Variants in RNF130 observed in about 807,000 individuals in gnomAD.
RNF130 encodes the protein ring finger protein 130.
In RNF130, 21 loss-of-function variants were observed where a neutral mutation model predicts 44.6. That is an observed-to-expected ratio of 0.47 (90% CI 0.33 to 0.68). RNF130 has a LOEUF of 0.68. Among genes scored for constraint, RNF130 ranks in the 30% least tolerant of loss-of-function variants. RNF130 has a pLI of 0.02. For synonymous variants in RNF130, 214 were observed against 210.4 expected (o/e 1.02, Z -0.15); for missense variants, 479 against 560.6 (o/e 0.85, Z 1.47).
At position 180,040,525 on chromosome 5, in the gene RNF130, A is replaced by G. The variant is rs767147429; in HGVS notation, c.370T>C (p.Phe124Leu). 3 of 1,614,222 alleles carry G rather than the reference A, an allele frequency of 1.9e-6. No individual in the cohort carries two copies. Among genetic ancestry groups the G allele is most frequent in the Non-Finnish European group, 2.5e-6 (3 of 1,180,034 alleles). ...ATGACTACAGCAACTGCATTGTGGA[A>G]AGCGGCCCGTGATATTTTCTCTTTA... ...TFKEKISRAA[F>L]HNAVAVVIYN... The change falls in exon 2 of 9, where the codon TTC (phenylalanine) becomes CTC (leucine). Residue 124 changes from phenylalanine to leucine, a missense_variant. Physicochemically the swap from Phe to Leu is conservative, Grantham distance 22 (BLOSUM62 0). This residue lies in a region of RNF130 where 180 missense variants were observed against 275.1 expected (regional missense o/e 0.65). Transcript: ENST00000521389.
chr5:179,959,459 C>T (rs1762278190), intron 8 of RNF130, among the ~76,000 whole-genome samples: 1 of 151,968 alleles, frequency 6.6e-6, no homozygotes, highest in African/African-American at 2.4e-5. Flanking sequence ...AACCCCATCT[C>T]TACTAAAAAT....
chr5:179,948,553 C>G (rs553692594), intron 7 of RNF130, among the ~76,000 whole-genome samples: 1 of 152,242 alleles, frequency 6.6e-6, no homozygotes, highest in South Asian at 2.1e-4. Flanking sequence ...CGCCTGTAAT[C>G]CCAGCTACTC....
At chr5:179,926,349 T>C (rs550343738) in intron 7 of RNF130, among the ~76,000 whole-genome samples, 1 of 152,222 alleles carries the variant, frequency 6.6e-6, no homozygotes, top group African/African-American at 2.4e-5. Context: ...GCAATATCCT[T>C]CATAATAAAT....
intron 8 of RNF130, among the ~76,000 whole-genome samples, chr5:179,961,586 C>A (rs3797769): frequency 5.9e-5 from 9 of 152,136 alleles, no homozygotes; most frequent in Non-Finnish European, 1.0e-4. Flanking sequence ...TATTAAACTA[C>A]CCAATAATTC....
intron 2 of RNF130, among the ~76,000 whole-genome samples, chr5:180,024,065 A>G (rs576917449): frequency 6.6e-6 from 1 of 152,226 alleles, no homozygotes; most frequent in Non-Finnish European, 1.5e-5. Flanking sequence ...CCTAATTATA[A>G]GAAAACTATC....
At position 180,013,069 on chromosome 5, in the gene RNF130, T is replaced by C. The variant is rs751632950; in HGVS notation, c.685A>G (p.Arg229Gly). Reference sequence around the variant, plus strand: ...TTGAGTACTGAGCTCACCTGGTTCCTGTCGCGTGCATTTGTGTACCTGATC... The same window carrying C: ...TTGAGTACTGAGCTCACCTGGTTCCCGTCGCGTGCATTTGTGTACCTGATC... ...QKIRYTNARDRNQRRLGDAAK... is the reference protein window; with the variant it reads ...QKIRYTNARDGNQRRLGDAAK... The change falls in exon 3 of 9, where the codon AGG (arginine) becomes GGG (glycine). Residue 229 changes from arginine to glycine, a missense_variant. Coordinates refer to ENST00000521389, the MANE Select transcript of RNF130 (RefSeq NM_018434.6). 6.2e-7 allele frequency: 1 copy of C among 1,613,144 alleles called. No individual in the cohort carries two copies. Among genetic ancestry groups the C allele is most frequent in the Non-Finnish European group, 8.5e-7 (1 of 1,179,846 alleles).
chr5:179,953,389 GA>G (rs1762155751), downstream of RNF130, among the ~76,000 whole-genome samples: 1 of 151,174 alleles, frequency 6.6e-6, no homozygotes, highest in Admixed American at 6.6e-5. Context: ...ACCTGGAAAA[GA>G]ACAAAGTTTG....
At chr5:180,062,408 C>T (rs1765008708) in intron 1 of RNF130, among the ~76,000 whole-genome samples, 1 of 152,044 alleles carries the variant, frequency 6.6e-6, no homozygotes, top group South Asian at 2.1e-4. Context: ...GAGAGCTCTG[C>T]CCTCATGACC....
At chr5:179,974,699 G>A (rs17079876) in intron 5 of RNF130, among the ~76,000 whole-genome samples, 11,340 of 152,274 alleles carry the variant, frequency 0.074, 1,140 homozygotes, top group African/African-American at 0.23. Flanking sequence ...CTTGGAGGGC[G>A]ATGGCTTTGA....
At position 179,966,980 on chromosome 5, in the gene RNF130, A is replaced by C; in HGVS notation, c.976T>G (p.Phe326Val). ...PNLPCTDNVA[F>V]DMERLTRTQA... ...GTTCTGGTGAGCCTTTCCATATCGAATGCTACGTTATCAGTACATGGCAAA... is the reference window on the plus strand; with the variant it reads ...GTTCTGGTGAGCCTTTCCATATCGACTGCTACGTTATCAGTACATGGCAAA... The change falls in exon 7 of 9, where the codon TTC becomes GTC. Residue 326 changes from phenylalanine (F) to valine (V), a missense_variant. This residue lies in a region of RNF130 where 161 missense variants were observed against 158.6 expected (regional missense o/e 1.02). Transcript: ENST00000521389. 7 of 1,614,166 alleles carry C rather than the reference A, an allele frequency of 4.3e-6. No homozygotes were observed. Among genetic ancestry groups the C allele is most frequent in the Non-Finnish European group, 5.9e-6 (7 of 1,180,018 alleles).
intron 2 of RNF130, among the ~76,000 whole-genome samples, chr5:180,033,472 G>A (rs973273313): frequency 1.3e-5 from 2 of 152,078 alleles, no homozygotes; most frequent in African/African-American, 2.4e-5. Flanking sequence ...GCCTGTAATC[G>A]CAACACTTTG....
chr5:179,953,893 G>T (rs1012906182), downstream of RNF130, among the ~76,000 whole-genome samples: 1 of 152,068 alleles, frequency 6.6e-6, no homozygotes, highest in South Asian at 2.1e-4. Flanking sequence ...AACATACAAA[G>T]AACTCTTACA....
intron 2 of RNF130, among the ~76,000 whole-genome samples, chr5:180,016,182 C>A (rs1404405557): frequency 6.6e-6 from 1 of 151,882 alleles, no homozygotes; most frequent in Non-Finnish European, 1.5e-5. Context: ...GGTCTTAAAT[C>A]TTTTACAGAA....
chr5:180,008,360 T>C (rs945523049), intron 3 of RNF130, among the ~76,000 whole-genome samples: 2 of 152,120 alleles, frequency 1.3e-5, no homozygotes, highest in African/African-American at 4.8e-5. Context: ...GAATAGGCTC[T>C]CCCAGCCCGG....
At chr5:180,060,439 G>C (rs1461079923) in intron 1 of RNF130, among the ~76,000 whole-genome samples, 1 of 152,180 alleles carries the variant, frequency 6.6e-6, no homozygotes, top group African/African-American at 2.4e-5. Flanking sequence ...GGTATCATAA[G>C]CTGAAGAAAC....
chr5:179,999,984 G>A (rs1763297473), intron 3 of RNF130, among the ~76,000 whole-genome samples: 1 of 152,104 alleles, frequency 6.6e-6, no homozygotes, highest in African/African-American at 2.4e-5. Context: ...GTAGTGCTAA[G>A]ATTTGATTCC....
rs1228773700 is a variant in RNF130, at chr5:179,955,510, C to T, written c.*144G>A. The T allele has an allele frequency of 8.2e-6, 5 of 610,414 alleles. No individual in the cohort carries two copies. The highest frequency in any genetic ancestry group is 5.6e-5 in the African/African-American group (3 of 53,512). 37.8% of individuals were successfully genotyped at this position (610,414 alleles called of 1,614,324 possible). A position where few individuals can be genotyped will look rare whatever the true frequency, so the allele number is the denominator to read the frequency against. On this transcript the variant is annotated 3_prime_UTR_variant, in exon 9 of 9. Transcript: ENST00000521389. ...ATTTTATTATTTATTTCTTTTAATA[C>T]AAAGCTTTGGCATTAGCAATTTTAT...
In RNF130 at chr5:180,035,919, T is replaced by A. The variant is rs74719337; in HGVS notation, c.442+4534A>T. On this transcript the variant is annotated intron_variant, in intron 2 of 8. Coordinates refer to ENST00000521389, the MANE Select transcript of RNF130 (RefSeq NM_018434.6). ...GTTGACTCATTGCTGCCATTCATTA[T>A]TGTCATACTTTATTTCTTTAATATA... Among the ~76,000 whole-genome samples, 19 of 152,364 alleles carry A rather than the reference T, an allele frequency of 1.2e-4. No individual in the cohort carries two copies. In the East Asian group the frequency reaches 3.7e-3, roughly 29 times the overall value.
intron 1 of RNF130, among the ~76,000 whole-genome samples, chr5:180,063,568 T>C (rs575692721): frequency 1.1e-4 from 17 of 152,144 alleles, no homozygotes; most frequent in Non-Finnish European, 2.1e-4. Context: ...CGCATGAACC[T>C]AGAGAGGCCT....
Sources: gnomAD v4.1 joint callset for allele counts (sites outside exome capture counted in the v4.1 genomes callset) on GRCh38, gnomAD v4.1.1 for gene constraint, gnomAD v4.1.1 regional missense constraint, MANE v1.5 for transcripts, NCBI Gene and HGNC (gene_info 2026-07-23, HGNC 2026-07-21) for gene names.